SLC4A4: variants seen among roughly 807,000 people sequenced by gnomAD.
SLC4A4 encodes the protein solute carrier family 4 member 4.
A neutral mutation model predicts 111.5 loss-of-function variants in SLC4A4; 27 were observed. The observed-to-expected ratio is 0.24, with a 90% CI of 0.18 to 0.33. SLC4A4 has a LOEUF of 0.33. Among genes scored for constraint, SLC4A4 ranks in the 10% least tolerant of loss-of-function variants. SLC4A4 has a pLI of 1.00. For synonymous variants in SLC4A4, 443 were observed against 463.4 expected (o/e 0.96, Z 0.57); for missense variants, 909 against 1,315.5 (o/e 0.69, Z 4.78).
At chr4:71,385,171 T>TTATATATATATATA (rs199563560) in intron 6 of SLC4A4, among the ~76,000 whole-genome samples, 6 of 40,012 alleles carry the variant, frequency 1.5e-4, no homozygotes, top group African/African-American at 4.2e-4. Context: ...TAGGTTAGAT[T>TTATATATATATATA]TATATATATA....
chr4:71,532,326 G>T, intron 17 of SLC4A4, 151 bp downstream of exon 17: 1 of 658,470 alleles, frequency 1.5e-6, no homozygotes, highest in Non-Finnish European at 2.7e-6. Flanking sequence ...ATATATACAT[G>T]TAGTTTAATT....
rs1415368721 is a variant in SLC4A4, at chr4:71,440,631, A to G, written c.823A>G (p.Met275Val). 1.9e-6 allele frequency: 3 copies of G among 1,614,136 alleles called. No individual in the cohort carries two copies. Among genetic ancestry groups the G allele is most frequent in the Non-Finnish European group, 2.5e-6 (3 of 1,179,986 alleles). ...TCTCATGCAGCTGAAGAATAAGTTC[A>G]TGAAAAAATTGCCACGTGATGCAGA... ...PEKDQLKNKF[M>V]KKLPRDAEAS... The change falls in exon 8 of 26, where the codon ATG (methionine) becomes GTG (valine). Residue 275 changes from methionine (M) to valine (V), a missense_variant. By Grantham distance (21) the Met-to-Val change is conservative. This residue lies in a region of SLC4A4 where 312 missense variants were observed against 402.0 expected (regional missense o/e 0.78). Transcript: ENST00000264485.
At chr4:71,472,992 T>C (rs769836469) in intron 14 of SLC4A4, 22 bp downstream of exon 14, 1 of 1,612,588 alleles carries the variant, frequency 6.2e-7, no homozygotes, top group South Asian at 1.1e-5. Flanking sequence ...ACGCTTTGTG[T>C]TTATGCTCGC....
chr4:71,195,230 G>GTTTTTTT (rs66527038), intron 1 of SLC4A4, among the ~76,000 whole-genome samples: 1 of 93,174 alleles, frequency 1.1e-5, no homozygotes, highest in Non-Finnish European at 2.2e-5. Context: ...CTGTATTTGA[G>GTTTTTTT]TTTTTTTTTT....
intron 16 of SLC4A4, among the ~76,000 whole-genome samples, chr4:71,500,189 A>G (rs747525505): frequency 4.1e-4 from 62 of 152,134 alleles, no homozygotes; most frequent in Non-Finnish European, 7.8e-4. Context: ...GATGTTGAGC[A>G]TTTTTTCATT....
At chr4:71,366,801 G>GA (rs1229295982) in intron 6 of SLC4A4, among the ~76,000 whole-genome samples, 1 of 152,126 alleles carries the variant, frequency 6.6e-6, no homozygotes, top group Non-Finnish European at 1.5e-5. Context: ...TTTGTGAAGT[G>GA]AAAAAAAGCA....
intron 2 of SLC4A4, among the ~76,000 whole-genome samples, chr4:71,174,038 G>C (rs1277849383): frequency 6.6e-6 from 1 of 152,092 alleles, no homozygotes; most frequent in African/African-American, 2.4e-5. Context: ...TTGCCAGATA[G>C]CAGAAACTGT....
chr4:71,325,871 A>ATG (rs999878698), intron 3 of SLC4A4, among the ~76,000 whole-genome samples: 26 of 151,730 alleles, frequency 1.7e-4, no homozygotes, highest in African/African-American at 5.8e-4. Flanking sequence ...GACCACTACA[A>ATG]TGTGTGTGTG....
At position 71,341,312 on chromosome 4, in the gene SLC4A4, C is replaced by T. The variant is rs185534767; in HGVS notation, c.389+1807C>T. 2.2e-4 allele frequency among the ~76,000 whole-genome samples: 33 copies of T among 152,228 alleles called. No homozygotes were observed. The East Asian group carries it at 4.2e-3, about 20-fold the overall frequency. On this transcript the variant is annotated intron_variant, in intron 4 of 25. Transcript: ENST00000264485. Reference sequence around the variant, plus strand: ...AATATGAGAATAAGGGAAACCAAATCATTATCCCAGCTTTGAGTTTAAGAA... The same window carrying T: ...AATATGAGAATAAGGGAAACCAAATTATTATCCCAGCTTTGAGTTTAAGAA...
intron 2 of SLC4A4, among the ~76,000 whole-genome samples, chr4:71,244,052 A>AC (rs1157100336): frequency 6.6e-6 from 1 of 152,124 alleles, no homozygotes; most frequent in East Asian, 1.9e-4. Flanking sequence ...TCACTACCCA[A>AC]CCCCCAATTG....
chr4:71,339,170 T>C lies in SLC4A4; in HGVS notation c.254-200T>C, dbSNP rs150718042. ...AGAGTGGTGGAGAACCAAGATACAG[T>C]TCAGAACCAAAGGAATAGAGAAGGG... On this transcript the variant is annotated intron_variant, in intron 3 of 25. Transcript: ENST00000264485. The C allele has an allele frequency of 2.2e-3, 3,517 of 1,613,568 alleles. 5 individuals carry two copies. The highest frequency in any genetic ancestry group is 2.8e-3 in the Non-Finnish European group (3,251 of 1,179,948).
chr4:71,097,641 A>G (rs1298733923), intron 2 of SLC4A4, among the ~76,000 whole-genome samples: 1 of 152,182 alleles, frequency 6.6e-6, no homozygotes, highest in Non-Finnish European at 1.5e-5. Flanking sequence ...ACTCCCACTA[A>G]CAGTGTATAA....
chr4:71,555,137 T>C lies in SLC4A4; in HGVS notation c.2695-3T>C. The C allele has an allele frequency of 6.2e-7, 1 of 1,600,356 alleles. No individual in the cohort carries two copies. Among genetic ancestry groups the C allele is most frequent in the African/African-American group, 1.3e-5 (1 of 74,678 alleles). ...TAAGTTGTATCCATTTTTTTCCTTC[T>C]AGTTTATACCCATGCCTGTACTCTA... On this transcript the variant is annotated splice_polypyrimidine_tract_variant and splice_region_variant and intron_variant, in intron 20 of 25. Transcript: ENST00000264485.
At chr4:71,194,062 G>C in intron 1 of SLC4A4, among the ~76,000 whole-genome samples, 1 of 152,194 alleles carries the variant, frequency 6.6e-6, no homozygotes, top group East Asian at 1.9e-4. Context: ...CATAAAAGTA[G>C]AGCATCTTGT....
At chr4:71,073,758 T>G (rs964257174) in intron 1 of SLC4A4, among the ~76,000 whole-genome samples, 10 of 152,126 alleles carry the variant, frequency 6.6e-5, no homozygotes, top group Non-Finnish European at 1.2e-4. Context: ...AAATGCTGTA[T>G]AAATACTTGA....
At chr4:71,365,375 G>A (rs954369956) in intron 6 of SLC4A4, among the ~76,000 whole-genome samples, 1 of 152,094 alleles carries the variant, frequency 6.6e-6, no homozygotes, top group African/African-American at 2.4e-5. Context: ...GTATTCCCAA[G>A]CCCCATGTTG....
chr4:71,524,511 A>G (rs1733244943), intron 16 of SLC4A4, among the ~76,000 whole-genome samples: 1 of 152,070 alleles, frequency 6.6e-6, no homozygotes, highest in African/African-American at 2.4e-5. Context: ...TGCTCCTCAA[A>G]TCTCTTTGAC....
At chr4:71,504,542 A>T (rs1464064397) in intron 16 of SLC4A4, among the ~76,000 whole-genome samples, 1 of 150,678 alleles carries the variant, frequency 6.6e-6, no homozygotes, top group East Asian at 1.9e-4. Flanking sequence ...GATTTCACTG[A>T]ATTGTTTGTA....
chr4:71,569,359 G>A lies in SLC4A4; in HGVS notation c.*1608G>A, dbSNP rs1435734487. 1 of 151,602 alleles carries A rather than the reference G, an allele frequency of 6.6e-6. No homozygotes were observed. The highest frequency in any genetic ancestry group is 2.4e-5 in the African/African-American group (1 of 41,338). 9.4% of individuals were successfully genotyped at this position (151,602 alleles called of 1,614,324 possible). The stretch of plus-strand genomic sequence containing the variant: ...GGATTGCAGAGCTGCAGAGTACAGT[G>A]TAACAGTACTCTCATGCAATTTTTT... On this transcript the variant is annotated 3_prime_UTR_variant, in exon 26 of 26. Transcript: ENST00000264485.
Sources: allele counts gnomAD v4.1 joint callset (sites outside exome capture counted in the v4.1 genomes callset), GRCh38; gene constraint gnomAD v4.1.1; regional missense constraint gnomAD v4.1.1; transcripts MANE v1.5; gene names NCBI Gene and HGNC (gene_info 2026-07-23, HGNC 2026-07-21).